ZNF525: variants seen among roughly 807,000 people sequenced by gnomAD.
ZNF525 encodes the protein zinc finger protein 525.
Under a neutral mutation model 37.6 loss-of-function variants are expected in ZNF525, and 33 were observed. That is an observed-to-expected ratio of 0.88 (90% confidence interval 0.67 to 1.17). The LOEUF is 1.17. ZNF525 is among the 50% of genes most tolerant of loss of function. ZNF525 has a pLI of 0.00. For synonymous variants in ZNF525, 170 were observed against 182.3 expected, an observed-to-expected ratio of 0.93 and a Z score of 0.54; for missense variants, 449 against 543.1, an observed-to-expected ratio of 0.83 and a Z score of 1.72.
chr19:53,382,722 A>G lies in ZNF525; in HGVS notation c.*703A>G, dbSNP rs1008158807. 1 of 777,484 alleles carries G rather than the reference A, an allele frequency of 1.3e-6. No individual in the cohort carries two copies. Among genetic ancestry groups the G allele is most frequent in the Non-Finnish European group, 2.3e-6 (1 of 438,894 alleles). 48.2% of individuals were successfully genotyped at this position (777,484 alleles called of 1,614,324 possible). ...AATCATTGGAGAATCCATAATAAAG[A>G]GAGACCTTACAAGTGTGATAAATGT... is the stretch of plus-strand genomic sequence containing the variant. On this transcript the variant is annotated 3_prime_UTR_variant, in exon 4 of 4. Transcript: ENST00000474037.
rs1360233439 is a variant in ZNF525 at position 53,381,569 on chromosome 19, T to G, written c.990T>G (p.Asn330Lys). 8.6e-7 allele frequency: 1 copy of G among 1,167,354 alleles called. No individual in the cohort carries two copies. Among genetic ancestry groups the G allele is most frequent in the Non-Finnish European group, 1.3e-6 (1 of 771,918 alleles). 72.3% of individuals were successfully genotyped at this position (1,167,354 alleles called of 1,614,324 possible). Residue 330 changes from asparagine to lysine, a missense_variant, in exon 4 of 4, where the codon AAT (asparagine) becomes AAG (lysine). By Grantham distance (94) the Asn-to-Lys change is moderately conservative (BLOSUM62 0). This residue lies in a region of ZNF525 where 178 missense variants were observed against 161.5 expected (regional missense o/e 1.10). Coordinates refer to ENST00000474037, the MANE Select transcript of ZNF525 (RefSeq NM_001348156.2). ...IHTGEKPHKC[N>K]ECGKTFSQKS... Reference sequence around the variant, plus strand: ...CTGGAGAGAAACCACATAAGTGTAATGAGTGTGGCAAGACCTTTAGTCAGA... The same window carrying G: ...CTGGAGAGAAACCACATAAGTGTAAGGAGTGTGGCAAGACCTTTAGTCAGA...
At chr19:53,375,540 A>G (rs2085515247) in intron 2 of ZNF525, among the ~76,000 whole-genome samples, 1 of 152,116 alleles carries the variant, frequency 6.6e-6, no homozygotes, top group African/African-American at 2.4e-5. Context: ...AGCGGAGACT[A>G]TGCCATTGCA....
chr19:53,380,951 G>A lies in ZNF525; in HGVS notation c.372G>A (p.Glu124=), dbSNP rs1458290241. The change falls in exon 4 of 4, where the codon GAG becomes GAA. Residue 124 remains glutamate, a synonymous_variant. Transcript: ENST00000474037. ...TCAAAAAATTGATGGGTAGTACAGA[G>A]CAATATGATCACAGGCATGCTGGAA... ...TKIKKLMGST[E]QYDHRHAGNK... is the part of the protein sequence containing the mutation. 9 of 1,567,076 alleles carry A rather than the reference G, an allele frequency of 5.7e-6. No homozygotes were observed. Among genetic ancestry groups the A allele is most frequent in the African/African-American group, 1.4e-5 (1 of 73,938 alleles).
chr19:53,374,283 T>C lies in ZNF525; in HGVS notation c.16-1487T>C, dbSNP rs145153036. Among the ~76,000 whole-genome samples, 9 of 152,338 alleles carry C rather than the reference T, an allele frequency of 5.9e-5. No homozygotes were observed. The East Asian group carries it at 1.5e-3, about 26-fold the overall frequency. On this transcript the variant is annotated intron_variant, in intron 2 of 3. Coordinates refer to ENST00000474037, the MANE Select transcript of ZNF525 (RefSeq NM_001348156.2). ...TTTCTTCTTTGTGTTCCAGGAAATATTTTACCTTGATATTTCATCCTGCTA... is the reference window on the plus strand; with the variant it reads ...TTTCTTCTTTGTGTTCCAGGAAATACTTTACCTTGATATTTCATCCTGCTA...
At chr19:53,374,289 C>T (rs530797423) in intron 2 of ZNF525, among the ~76,000 whole-genome samples, 1 of 152,238 alleles carries the variant, frequency 6.6e-6, no homozygotes, top group Admixed American at 6.5e-5. Context: ...AATATTTTAC[C>T]TTGATATTTC....
At position 53,383,836 on chromosome 19, in the gene ZNF525, A is replaced by G. The variant is rs2085586122; in HGVS notation, c.*1817A>G. ...AATCTTACAATGTCATGATTGTGGC[A>G]AGGTCTTCAGTCAAGCTTCATCTTT... On this transcript the variant is annotated 3_prime_UTR_variant, in exon 4 of 4. Coordinates refer to ENST00000474037, the MANE Select transcript of ZNF525 (RefSeq NM_001348156.2). The G allele has an allele frequency of 1.8e-6, 1 of 553,880 alleles. No individual in the cohort carries two copies. Among genetic ancestry groups the G allele is most frequent in the Admixed American group, 2.3e-5 (1 of 42,976 alleles). 34.3% of individuals were successfully genotyped at this position (553,880 alleles called of 1,614,324 possible). A position where few individuals can be genotyped will look rare whatever the true frequency, so the allele number is the denominator to read the frequency against.
Position 53,386,565 on chromosome 19 carries a change from G to A in ZNF525, c.*4546G>A, listed in dbSNP as rs769870639. The A allele has an allele frequency of 1.6e-5, 7 of 429,020 alleles. No individual in the cohort carries two copies. Among genetic ancestry groups the A allele is most frequent in the South Asian group, 4.8e-5 (2 of 41,494 alleles). The allele number at this position is 429,020 out of a possible 1,614,324, so 26.6% of individuals were successfully genotyped here. On this transcript the variant is annotated 3_prime_UTR_variant, in exon 4 of 4. Coordinates refer to ENST00000474037, the MANE Select transcript of ZNF525 (RefSeq NM_001348156.2). Reference sequence around the variant, plus strand: ...TGGTTGGCTGTGTTCAGTAATAAACGTGAGACTTTTCATTTCAAAACAAAA... The same window carrying A: ...TGGTTGGCTGTGTTCAGTAATAAACATGAGACTTTTCATTTCAAAACAAAA...
chr19:53,372,269 A>T lies in ZNF525; in HGVS notation c.-13A>T. On this transcript the variant is annotated 5_prime_UTR_variant, in exon 2 of 4. Transcript: ENST00000474037. The stretch of plus-strand genomic sequence containing the variant: ...AGGAAGAAACCCGGAAAAGGAAAGC[A>T]GAGGAGTCAGGGATGGCTCTTCCTC... The T allele has an allele frequency of 1.3e-6, 1 of 769,332 alleles. No homozygotes were observed. Among genetic ancestry groups the T allele is most frequent in the Non-Finnish European group, 2.4e-6 (1 of 422,100 alleles). The allele number at this position is 769,332 out of a possible 1,614,324, so 47.7% of individuals were successfully genotyped here. A position where few individuals can be genotyped will look rare whatever the true frequency, so the allele number is the denominator to read the frequency against.
chr19:53,384,888 C>T lies in ZNF525; in HGVS notation c.*2869C>T, dbSNP rs2147077097. 5.8e-6 allele frequency: 4 copies of T among 692,464 alleles called. No individual in the cohort carries two copies. The highest frequency in any genetic ancestry group is 2.7e-5 in the East Asian group (1 of 36,938). The allele number at this position is 692,464 out of a possible 1,614,324, so 42.9% of individuals were successfully genotyped here. Reference sequence around the variant, plus strand: ...TCGTACAGGAAAGCATTCCATTTTCCCTGCTTGGTTATTTACTCATTTGTC... The same window carrying T: ...TCGTACAGGAAAGCATTCCATTTTCTCTGCTTGGTTATTTACTCATTTGTC... On this transcript the variant is annotated 3_prime_UTR_variant, in exon 4 of 4. Transcript: ENST00000474037.
intron 3 of ZNF525, among the ~76,000 whole-genome samples, chr19:53,376,603 A>G (rs562302362): frequency 1.5e-4 from 22 of 151,688 alleles, no homozygotes; most frequent in Non-Finnish European, 2.6e-4. Flanking sequence ...TTTATGATGG[A>G]GTCTCCCTCT....
At chr19:53,372,976 G>A (rs2147066760) in intron 2 of ZNF525, among the ~76,000 whole-genome samples, 1 of 152,248 alleles carries the variant, frequency 6.6e-6, no homozygotes, top group African/African-American at 2.4e-5. Context: ...GGTGTTTTCA[G>A]TAAAAATGGT....
In ZNF525 at chr19:53,385,342, C is replaced by A; in HGVS notation, c.*3323C>A. On this transcript the variant is annotated 3_prime_UTR_variant, in exon 4 of 4. Transcript: ENST00000474037. ...TAAGACATGAGTATAAAAAGAGACT[C>A]CATCAAAGCAATATAAATTCTGATG... 5.3e-6 allele frequency: 1 copy of A among 189,362 alleles called. No homozygotes were observed. The highest frequency in any genetic ancestry group is 1.1e-5 in the Non-Finnish European group (1 of 92,734). 11.7% of individuals were successfully genotyped at this position (189,362 alleles called of 1,614,324 possible).
intron 1 of ZNF525, among the ~76,000 whole-genome samples, chr19:53,366,306 G>A (rs1453154802): frequency 8.6e-6 from 1 of 115,746 alleles, no homozygotes; most frequent in African/African-American, 2.5e-5. Context: ...AGGTGCCCGG[G>A]TTCTGTCCTG....
At chr19:53,368,065 T>G (rs1285042093) in intron 1 of ZNF525, among the ~76,000 whole-genome samples, 3 of 152,194 alleles carry the variant, frequency 2.0e-5, no homozygotes, top group Non-Finnish European at 2.9e-5. Flanking sequence ...TCTTTAATTT[T>G]GTTGTAGACA....
rs2085606114 is a variant in ZNF525 at position 53,386,237 on chromosome 19, C to G, written c.*4218C>G. 1 of 651,528 alleles carries G rather than the reference C, an allele frequency of 1.5e-6. No homozygotes were observed. Among genetic ancestry groups the G allele is most frequent in the Admixed American group, 1.8e-5 (1 of 55,312 alleles). 40.4% of individuals were successfully genotyped at this position (651,528 alleles called of 1,614,324 possible). A position where few individuals can be genotyped will look rare whatever the true frequency, so the allele number is the denominator to read the frequency against. ...TGCTTGACTCTGCTTCTTGCCACAT[C>G]TTCTCAGAAGACTTTCAGGATTAAG... On this transcript the variant is annotated 3_prime_UTR_variant, in exon 4 of 4. Coordinates refer to ENST00000474037, the MANE Select transcript of ZNF525 (RefSeq NM_001348156.2).
intron 1 of ZNF525, among the ~76,000 whole-genome samples, chr19:53,368,066 G>A (rs1045602496): frequency 1.1e-4 from 16 of 150,348 alleles, no homozygotes; most frequent in African/African-American, 3.9e-4. Flanking sequence ...CTTTAATTTT[G>A]TTGTAGACAG....
chr19:53,377,884 T>C (rs1326248543), intron 3 of ZNF525, among the ~76,000 whole-genome samples: 1 of 152,184 alleles, frequency 6.6e-6, no homozygotes, highest in East Asian at 1.9e-4. Flanking sequence ...TAAAACATGT[T>C]ATTGCTATTA....
In ZNF525 at chr19:53,372,288, C is replaced by T. The variant is rs778574256; in HGVS notation, c.7C>T (p.Leu3Phe). 4 of 784,008 alleles carry T rather than the reference C, an allele frequency of 5.1e-6. No individual in the cohort carries two copies. The highest frequency in any genetic ancestry group is 2.4e-5 in the East Asian group (1 of 41,262). 48.6% of individuals were successfully genotyped at this position (784,008 alleles called of 1,614,324 possible). ...GAAAGCAGAGGAGTCAGGGATGGCTCTTCCTCAGGTGAGACGATATTCTCA... is the reference window on the plus strand; with the variant it reads ...GAAAGCAGAGGAGTCAGGGATGGCTTTTCCTCAGGTGAGACGATATTCTCA... The part of the protein sequence containing the change: MA[L>F]PQGLLTFRDV... Residue 3 changes from leucine (L) to phenylalanine (F), a missense_variant, in exon 2 of 4, where the codon CTT becomes TTT. By Grantham distance (22) the Leu-to-Phe change is conservative. Around this residue, in one of 2 missense-constraint regions of ZNF525, gnomAD observed 271 missense variants for 381.6 expected, o/e 0.71. Transcript: ENST00000474037.
At chr19:53,376,193 C>T (rs2085520940) in intron 3 of ZNF525, 2 of 739,002 alleles carry the variant, frequency 2.7e-6, no homozygotes, top group South Asian at 1.5e-5. Flanking sequence ...AGACATCCTC[C>T]TCGGCCTCCC....
Sources: allele counts gnomAD v4.1 joint callset (sites outside exome capture counted in the v4.1 genomes callset), GRCh38; gene constraint gnomAD v4.1.1; regional missense constraint gnomAD v4.1.1; transcripts MANE v1.5; gene names NCBI Gene and HGNC (gene_info 2026-07-23, HGNC 2026-07-21).